Variants in ASPH observed in about 807,000 individuals in gnomAD.
ASPH encodes aspartyl/asparaginyl beta-hydroxylase.
In ASPH, 100 loss-of-function variants were observed where a neutral mutation model predicts 118.4. The observed-to-expected ratio is 0.84, with a 90% CI of 0.72 to 1.00. The LOEUF (loss-of-function observed/expected upper bound fraction) is 1.00, where lower values mean the gene tolerates loss of function less well. Ranked by LOEUF, ASPH falls within the 50% of genes least tolerant of loss-of-function variation. The pLI is 0.00. For missense variants in ASPH, 920 were observed against 919.5 expected (o/e 1.00, Z -0.01); for synonymous variants, 315 against 325.6 (o/e 0.97, Z 0.35).
At chr8:61,526,225 A>G in intron 21 of ASPH, 113 bp from the exon 22 acceptor site, 1 of 1,354,534 alleles carries the variant, frequency 7.4e-7, no homozygotes, top group Admixed American at 2.2e-5. Context: ...TCTTTGCCTT[A>G]TCTAGATTGC....
chr8:61,506,941 A>G (rs1281469441), intron 24 of ASPH, among the ~76,000 whole-genome samples: 1 of 152,202 alleles, frequency 6.6e-6, no homozygotes. Context: ...AGCAATGACA[A>G]GTGATTTTCA....
At chr8:61,575,795 T>C (rs999345951) in intron 16 of ASPH, among the ~76,000 whole-genome samples, 2 of 152,182 alleles carry the variant, frequency 1.3e-5, no homozygotes, top group Non-Finnish European at 2.9e-5. Flanking sequence ...AGAAAGCTTT[T>C]GATATGCAAA....
At position 61,503,516 on chromosome 8, in the gene ASPH, C is replaced by CAGAA. The variant is rs1159004006; in HGVS notation, c.2127-11_2127-8dup. ...CTTGCCTTCCTCCCAGGTCCTGCAG[C>CAGAA]AGAAAGACAAGGATTCCTGAATATA... On this transcript the variant is annotated splice_polypyrimidine_tract_variant and splice_region_variant and intron_variant, in intron 24 of 24. Transcript: ENST00000379454. The CAGAA allele has an allele frequency of 7.5e-6, 12 of 1,606,476 alleles. No individual in the cohort carries two copies. The highest frequency in any genetic ancestry group is 6.7e-5 in the East Asian group (3 of 44,524).
chr8:61,673,421 C>A (rs1158850867), intron 3 of ASPH, among the ~76,000 whole-genome samples: 6 of 152,184 alleles, frequency 3.9e-5, no homozygotes, highest in Non-Finnish European at 7.3e-5. Flanking sequence ...GAGAACCCAG[C>A]GTCTTTGCAA....
chr8:61,587,892 G>C (rs1839938517), intron 14 of ASPH, among the ~76,000 whole-genome samples: 1 of 152,054 alleles, frequency 6.6e-6, no homozygotes, highest in South Asian at 2.1e-4. Flanking sequence ...GAAAAAATGA[G>C]TCCTCATTCA....
chr8:61,567,377 C>A, intron 16 of ASPH, 59 bp from the exon 17 acceptor site: 2 of 1,466,514 alleles, frequency 1.4e-6, no homozygotes, highest in Non-Finnish European at 1.8e-6. Flanking sequence ...TGTAATTACC[C>A]AAAATATTCA....
intron 16 of ASPH, among the ~76,000 whole-genome samples, chr8:61,568,743 A>G (rs1254234633): frequency 6.6e-6 from 1 of 152,190 alleles, no homozygotes; most frequent in Admixed American, 6.5e-5. Flanking sequence ...CCAATGTTTA[A>G]AGGTCATTAG....
Position 61,502,728 on chromosome 8 carries a change from T to C in ASPH, c.*631A>G, listed in dbSNP as rs866616573. 46 of 152,102 alleles carry C rather than the reference T, an allele frequency of 3.0e-4. No homozygotes were observed. The highest frequency in any genetic ancestry group is 9.7e-4 in the African/African-American group (40 of 41,426). The allele number at this position is 152,102 out of a possible 1,614,324, so 9.4% of individuals were successfully genotyped here. On this transcript the variant is annotated 3_prime_UTR_variant, in exon 25 of 25. Coordinates refer to ENST00000379454, the MANE Select transcript of ASPH (RefSeq NM_004318.4). ...ATCAAGATAAAAAAAACCAAACGATTTGAGAGTTGGGATGGGTACAGTTCA... is the reference window on the plus strand; with the variant it reads ...ATCAAGATAAAAAAAACCAAACGATCTGAGAGTTGGGATGGGTACAGTTCA...
In ASPH at chr8:61,593,850, G is replaced by C. The variant is rs112522747; in HGVS notation, c.977-9821C>G. ...GCCAGACACTGAATTTTATCCCCACGCACACGTTCCATGAGAGAATAGCCA... is the reference window on the plus strand; with the variant it reads ...GCCAGACACTGAATTTTATCCCCACCCACACGTTCCATGAGAGAATAGCCA... On this transcript the variant is annotated intron_variant, in intron 14 of 24. Transcript: ENST00000379454. 7.1e-3 allele frequency among the ~76,000 whole-genome samples: 1,086 copies of C among 152,200 alleles called. 11 individuals carry two copies. Among genetic ancestry groups the C allele is most frequent in the African/African-American group, 0.024 (998 of 41,538 alleles).
intron 14 of ASPH, among the ~76,000 whole-genome samples, chr8:61,586,187 C>T (rs1166469363): frequency 6.6e-6 from 1 of 152,078 alleles, no homozygotes; most frequent in Admixed American, 6.6e-5. Flanking sequence ...TCTTTATTGC[C>T]TCTGTAACTC....
At chr8:61,699,577 C>A (rs1834758731) in intron 1 of ASPH, among the ~76,000 whole-genome samples, 1 of 151,934 alleles carries the variant, frequency 6.6e-6, no homozygotes, top group Non-Finnish European at 1.5e-5. Flanking sequence ...AATTAAATCA[C>A]CAGACAGTTG....
chr8:61,580,986 AATG>A (rs542243387), intron 15 of ASPH, among the ~76,000 whole-genome samples: 19 of 152,368 alleles, frequency 1.2e-4, no homozygotes, highest in African/African-American at 4.1e-4. Flanking sequence ...AAGCTATTTC[AATG>A]ATAATTGTGC....
intron 10 of ASPH, among the ~76,000 whole-genome samples, chr8:61,641,117 T>C (rs980121992): frequency 1.3e-5 from 2 of 152,222 alleles, no homozygotes; most frequent in African/African-American, 4.8e-5. Flanking sequence ...AACAAAGAAA[T>C]CCAAAGTAGC....
chr8:61,521,416 C>G (rs138883513), intron 22 of ASPH, among the ~76,000 whole-genome samples: 1 of 152,260 alleles, frequency 6.6e-6, no homozygotes, highest in Non-Finnish European at 1.5e-5. Context: ...ATACTTGAGG[C>G]ACTATTTGCC....
chr8:61,515,368 T>C (rs1810503443), intron 24 of ASPH, among the ~76,000 whole-genome samples: 1 of 152,184 alleles, frequency 6.6e-6, no homozygotes, highest in African/African-American at 2.4e-5. Flanking sequence ...ATTCCATGCC[T>C]GAAGAAACTT....
chr8:61,576,137 C>A (rs536882507), intron 16 of ASPH, among the ~76,000 whole-genome samples: 14 of 152,286 alleles, frequency 9.2e-5, no homozygotes, highest in African/African-American at 3.4e-4. Flanking sequence ...TCCTGTGAGA[C>A]CTCTTGTAGC....
chr8:61,552,562 CT>C (rs1317146735), intron 20 of ASPH, among the ~76,000 whole-genome samples: 12 of 152,112 alleles, frequency 7.9e-5, no homozygotes, highest in South Asian at 2.1e-4. Flanking sequence ...AGACTTCATT[CT>C]AAAAAGAACT....
chr8:61,523,320 C>CTTTT (rs781759491), intron 22 of ASPH, among the ~76,000 whole-genome samples: 7 of 118,224 alleles, frequency 5.9e-5, no homozygotes, highest in East Asian at 2.3e-4. Flanking sequence ...TTCTTTCTTT[C>CTTTT]TTTTTTTTTT....
At chr8:61,589,527 T>C (rs927904412) in intron 14 of ASPH, among the ~76,000 whole-genome samples, 1 of 152,106 alleles carries the variant, frequency 6.6e-6, no homozygotes, top group Non-Finnish European at 1.5e-5. Flanking sequence ...TCAATGACAT[T>C]GGAATATTTT....
Sources: allele counts gnomAD v4.1 joint callset (sites outside exome capture counted in the v4.1 genomes callset), GRCh38; gene constraint gnomAD v4.1.1; transcripts MANE v1.5; gene names NCBI Gene and HGNC (gene_info 2026-07-23, HGNC 2026-07-21).